The following SNCAIP variants were observed in gnomAD, a reference collection of about 807,000 sequenced individuals.
The protein encoded by SNCAIP is synuclein alpha interacting protein.
A neutral mutation model predicts 86.7 loss-of-function variants in SNCAIP; 43 were observed. The ratio of observed to expected loss-of-function variants is 0.50; its 90% CI spans 0.39 to 0.64. SNCAIP has a LOEUF of 0.64. Ranked by LOEUF, SNCAIP falls within the 30% of genes least tolerant of loss-of-function variation. SNCAIP has a pLI of 0.00. For synonymous variants in SNCAIP, 417 were observed against 427.2 expected (o/e 0.98, Z 0.29); for missense variants, 981 against 1,103.1 (o/e 0.89, Z 1.57).
At chr5:122,430,002 G>A (rs1581198146) in intron 5 of SNCAIP, among the ~76,000 whole-genome samples, 1 of 152,170 alleles carries the variant, frequency 6.6e-6, no homozygotes, top group Non-Finnish European at 1.5e-5. Flanking sequence ...CCAGCCAGAG[G>A]AGCAGGGAGC....
chr5:122,423,094 G>A lies in SNCAIP; in HGVS notation c.357G>A (p.Glu119=). The part of the protein sequence containing the change: ...GESDLGPQPQ[E]LGPGDGVGGP... ...CTGACCTGGGCCCCCAGCCTCAGGAGCTTGGCCCTGGAGATGGAGTGGGCG... is the reference window on the plus strand; with the variant it reads ...CTGACCTGGGCCCCCAGCCTCAGGAACTTGGCCCTGGAGATGGAGTGGGCG... Residue 119 remains glutamate (E), a synonymous_variant, in exon 4 of 11, where the codon GAG becomes GAA. Transcript: ENST00000261368. 3 of 1,614,172 alleles carry A rather than the reference G, an allele frequency of 1.9e-6. No homozygotes were observed. In the South Asian group the frequency reaches 3.3e-5, roughly 18 times the overall value.
Position 122,463,524 on chromosome 5 carries a change from C to T in SNCAIP, c.*28C>T, listed in dbSNP as rs539679845. 3.1e-6 allele frequency: 5 copies of T among 1,609,468 alleles called. No individual in the cohort carries two copies. The highest frequency in any genetic ancestry group is 4.2e-6 in the Non-Finnish European group (5 of 1,176,786). On this transcript the variant is annotated 3_prime_UTR_variant, in exon 11 of 11. Transcript: ENST00000261368. Reference sequence around the variant, plus strand: ...ACATCAATAGAAAAATGAAGAAATCCTACAGCATAAAGCACATTGCTGAGC... The same window carrying T: ...ACATCAATAGAAAAATGAAGAAATCTTACAGCATAAAGCACATTGCTGAGC...
intron 3 of SNCAIP, among the ~76,000 whole-genome samples, chr5:122,413,641 T>A (rs1427319526): frequency 6.6e-6 from 1 of 152,032 alleles, no homozygotes; most frequent in Non-Finnish European, 1.5e-5. Flanking sequence ...ATTTGTTGAA[T>A]GAATGAACTG....
chr5:122,458,491 C>T (rs1427532836), intron 10 of SNCAIP, among the ~76,000 whole-genome samples: 1 of 152,154 alleles, frequency 6.6e-6, no homozygotes, highest in Non-Finnish European at 1.5e-5. Flanking sequence ...AAGAACAGAG[C>T]CTGCCTGTAT....
chr5:122,456,204 T>A (rs967435508), intron 10 of SNCAIP, among the ~76,000 whole-genome samples: 35 of 152,152 alleles, frequency 2.3e-4, no homozygotes, highest in Admixed American at 2.0e-3. Flanking sequence ...TCCTTAAAAA[T>A]CATAAAGCAA....
chr5:122,416,917 A>G (rs1339653290), intron 3 of SNCAIP, among the ~76,000 whole-genome samples: 1 of 152,208 alleles, frequency 6.6e-6, no homozygotes, highest in African/African-American at 2.4e-5. Context: ...TGTTGTGTAC[A>G]TTTGAAGGCA....
chr5:122,369,820 G>C (rs923338163), intron 1 of SNCAIP: 7 of 152,058 alleles, frequency 4.6e-5, no homozygotes, highest in Non-Finnish European at 1.0e-4. Context: ...CTCCTCAATG[G>C]GACTCTTCAG....
chr5:122,363,472 C>A (rs887833503), intron 1 of SNCAIP, among the ~76,000 whole-genome samples: 2 of 152,116 alleles, frequency 1.3e-5, no homozygotes, highest in Non-Finnish European at 1.5e-5. Context: ...CTGGGATAGA[C>A]CATGGCCCTG....
At chr5:122,406,459 G>A (rs978905039) in intron 3 of SNCAIP, among the ~76,000 whole-genome samples, 3 of 152,134 alleles carry the variant, frequency 2.0e-5, no homozygotes, top group African/African-American at 7.2e-5. Context: ...ACCTGATATG[G>A]TTTGGATCTC....
chr5:122,321,255 C>T (rs1487299502), intron 1 of SNCAIP: 1 of 152,162 alleles, frequency 6.6e-6, no homozygotes, highest in African/African-American at 2.4e-5. Context: ...AAATCATTAA[C>T]CAAGTACCTT....
intron 3 of SNCAIP, among the ~76,000 whole-genome samples, chr5:122,414,957 C>G (rs1397497021): frequency 1.3e-5 from 2 of 152,130 alleles, no homozygotes; most frequent in African/African-American, 4.8e-5. Context: ...ACATAAAAAG[C>G]CTTAACACAA....
In SNCAIP at chr5:122,330,117, C is replaced by CCTTTT. The variant is rs1415466705; in HGVS notation, c.-47+17833_-47+17834insCTTTT. Reference sequence around the variant, plus strand: ...CTTACCTCCGTGTACAACTTCATTTCTTTTTTTTTTTTTTTTTTTTTTGAG... The same window carrying CCTTTT: ...CTTACCTCCGTGTACAACTTCATTTCCTTTTTTTTTTTTTTTTTTTTTTTTTTGAG... On this transcript the variant is annotated intron_variant, in intron 1 of 10. Coordinates refer to ENST00000261368, the MANE Select transcript of SNCAIP (RefSeq NM_005460.4). Among the ~76,000 whole-genome samples the CCTTTT allele has an allele frequency of 7.2e-5, 7 of 96,850 alleles. 1 individual carries two copies. The highest frequency in any genetic ancestry group is 3.0e-4 in the African/African-American group (7 of 23,244). The allele number at this position is 96,850 out of a possible 152,430, so 63.5% of individuals were successfully genotyped here.
At chr5:122,392,981 C>T (rs1316218757) in intron 2 of SNCAIP, among the ~76,000 whole-genome samples, 1 of 151,776 alleles carries the variant, frequency 6.6e-6, no homozygotes, top group Non-Finnish European at 1.5e-5. Context: ...TGGCAGCAGC[C>T]CATAATTTTG....
At chr5:122,351,725 AC>A (rs1441743312) in intron 1 of SNCAIP, among the ~76,000 whole-genome samples, 1 of 152,074 alleles carries the variant, frequency 6.6e-6, no homozygotes, top group Non-Finnish European at 1.5e-5. Flanking sequence ...CTGTGTTTGG[AC>A]CCAGCTGTAA....
intron 7 of SNCAIP, among the ~76,000 whole-genome samples, chr5:122,442,112 C>CTTTTTTTTTTTTT (rs10688988): frequency 9.1e-5 from 6 of 65,726 alleles, no homozygotes; most frequent in Non-Finnish European, 1.1e-4. Flanking sequence ...AAGCAGTACT[C>CTTTTTTTTTTTTT]TTTTTTTTTT....
chr5:122,450,968 C>T lies in SNCAIP; in HGVS notation c.2121C>T (p.Ser707=), dbSNP rs146249796. ...CAAGGCCGCAGCCCATTGTAGAAAG[C>T]GTAGAGAGTATGGACAGCGCAGAAA... ...DRPRPQPIVE[S]VESMDSAESL... is the part of the protein sequence containing the mutation. Residue 707 remains serine, a synonymous_variant, in exon 10 of 11, where the codon AGC becomes AGT. Transcript: ENST00000261368. 8.7e-6 allele frequency: 14 copies of T among 1,614,104 alleles called. No homozygotes were observed. Among genetic ancestry groups the T allele is most frequent in the East Asian group, 2.2e-5 (1 of 44,874 alleles).
intron 1 of SNCAIP, among the ~76,000 whole-genome samples, chr5:122,364,688 T>C (rs1304309532): frequency 6.6e-6 from 1 of 152,246 alleles, no homozygotes; most frequent in Non-Finnish European, 1.5e-5. Context: ...TGAGGCCAAG[T>C]TGCTTTCATG....
At chr5:122,425,879 G>A (rs1777276724) in intron 5 of SNCAIP, among the ~76,000 whole-genome samples, 3 of 152,202 alleles carry the variant, frequency 2.0e-5, no homozygotes, top group Admixed American at 2.0e-4. Flanking sequence ...CAAGACGAAT[G>A]TGGGGAAGGT....
chr5:122,361,889 A>G (rs942342198), intron 1 of SNCAIP, among the ~76,000 whole-genome samples: 2 of 152,240 alleles, frequency 1.3e-5, no homozygotes, highest in African/African-American at 2.4e-5. Flanking sequence ...GCTTTTAGCT[A>G]TCTGTAAAAT....
Sources: allele counts gnomAD v4.1 joint callset (sites outside exome capture counted in the v4.1 genomes callset), GRCh38; gene constraint gnomAD v4.1.1; transcripts MANE v1.5; gene names NCBI Gene and HGNC (gene_info 2026-07-23, HGNC 2026-07-21).